ZBTB49: variants seen among roughly 807,000 people sequenced by gnomAD.
The protein encoded by ZBTB49 is zinc finger and BTB domain-containing protein 49.
Under a neutral mutation model 57.5 loss-of-function variants are expected in ZBTB49, and 43 were observed. The observed-to-expected ratio is 0.75, with a 90% CI of 0.59 to 0.97. ZBTB49 has a LOEUF of 0.97. Ranked by LOEUF, ZBTB49 falls within the 50% of genes least tolerant of loss-of-function variation. ZBTB49 has a pLI of 0.00. For synonymous variants in ZBTB49, 369 were observed against 362.1 expected (o/e 1.02, Z -0.22); for missense variants, 938 against 947.7 (o/e 0.99, Z 0.13).
At chr4:4,316,256 G>T (rs980269240) in intron 7 of ZBTB49, among the ~76,000 whole-genome samples, 6 of 152,198 alleles carry the variant, frequency 3.9e-5, no homozygotes, top group Non-Finnish European at 7.3e-5. Flanking sequence ...GAGGGTGGCT[G>T]GGAAAGTAGG....
rs1720561394 is a variant in ZBTB49 at position 4,302,893 on chromosome 4, G to C, written c.1057G>C (p.Ala353Pro). 2 of 1,614,142 alleles carry C rather than the reference G, an allele frequency of 1.2e-6. No individual in the cohort carries two copies. Among genetic ancestry groups the C allele is most frequent in the Non-Finnish European group, 1.7e-6 (2 of 1,179,982 alleles). The change falls in exon 3 of 8, where the codon GCT becomes CCT. Residue 353 changes from alanine (A) to proline (P), a missense_variant. Coordinates refer to ENST00000337872, the MANE Select transcript of ZBTB49 (RefSeq NM_145291.4). ...CCTAGAGAAAGCTAGCAGCCAAAGT[G>C]CTGAAGAAAAAGAAAGTGAAGAAGT... Reference protein sequence around the residue: ...NTLEKASSQSAEEKESEEVVS... With the variant: ...NTLEKASSQSPEEKESEEVVS...
Position 4,321,349 on chromosome 4 carries a change from C to G in ZBTB49, c.*33C>G. The G allele has an allele frequency of 6.3e-7, 1 of 1,596,542 alleles. No individual in the cohort carries two copies. The highest frequency in any genetic ancestry group is 8.5e-7 in the Non-Finnish European group (1 of 1,176,642). On this transcript the variant is annotated 3_prime_UTR_variant, in exon 8 of 8. Coordinates refer to ENST00000337872, the MANE Select transcript of ZBTB49 (RefSeq NM_145291.4). ...CGCTTCTCCACGGTAGAGGCGTGTT[C>G]TCAGTTTAGCAGGCTGGTGTTAAGG...
rs185591693 is a variant in ZBTB49, at chr4:4,301,165, A to G, written c.153-824A>G. Among the ~76,000 whole-genome samples the G allele has an allele frequency of 2.6e-5, 4 of 152,346 alleles. No individual in the cohort carries two copies. The East Asian group carries it at 5.8e-4, about 22-fold the overall frequency. The stretch of plus-strand genomic sequence containing the variant: ...ATACACAGGCTGTTTTGCGCTTAAA[A>G]ACAGAACTGAAGGCTGTTTGGGGGA... On this transcript the variant is annotated intron_variant, in intron 2 of 7. Transcript: ENST00000337872.
chr4:4,293,119 A>T (rs375634271), intron 1 of ZBTB49, among the ~76,000 whole-genome samples: 1 of 152,204 alleles, frequency 6.6e-6, no homozygotes, highest in South Asian at 2.1e-4. Context: ...CCAGAGTCTC[A>T]TCCATCCAGA....
In ZBTB49 at chr4:4,321,170, G is replaced by C. The variant is rs1721400299; in HGVS notation, c.2152G>C (p.Ala718Pro). Residue 718 changes from alanine to proline, a missense_variant, in exon 8 of 8, where the codon GCT becomes CCT. Around this residue, in one of 3 missense-constraint regions of ZBTB49, gnomAD observed 835 missense variants for 819.1 expected, o/e 1.02. Transcript: ENST00000337872. ...GMAMIRSSLA[A>P]LDNHGGDPLG... ...GGCCATGATCCGTTCCTCTCTGGCT[G>C]CTTTGGACAACCACGGCGGTGACCC... 4 of 1,614,186 alleles carry C rather than the reference G, an allele frequency of 2.5e-6. No homozygotes were observed. Among genetic ancestry groups the C allele is most frequent in the Non-Finnish European group, 3.4e-6 (4 of 1,180,030 alleles).
chr4:4,308,953 C>T (rs897854491), intron 4 of ZBTB49, among the ~76,000 whole-genome samples: 1 of 152,186 alleles, frequency 6.6e-6, no homozygotes, highest in African/African-American at 2.4e-5. Context: ...GCCTGGCATC[C>T]CTGGCATGCT....
chr4:4,296,442 A>C (rs1213600793), intron 1 of ZBTB49, among the ~76,000 whole-genome samples: 1 of 152,164 alleles, frequency 6.6e-6, no homozygotes, highest in African/African-American at 2.4e-5. Context: ...ACAGTGAATG[A>C]GATCTGATAG....
intron 4 of ZBTB49, among the ~76,000 whole-genome samples, chr4:4,307,947 T>C (rs1720810187): frequency 1.3e-5 from 2 of 152,198 alleles, no homozygotes; most frequent in Non-Finnish European, 2.9e-5. Flanking sequence ...GCTGACCATA[T>C]AAGTTAAAAC....
intron 4 of ZBTB49, among the ~76,000 whole-genome samples, chr4:4,311,141 T>A (rs756917952): frequency 5.3e-5 from 8 of 152,372 alleles, no homozygotes; most frequent in South Asian, 2.1e-4. Context: ...AAGAACACTT[T>A]AAAGATTTTT....
intron 4 of ZBTB49, among the ~76,000 whole-genome samples, chr4:4,308,712 C>G (rs1367041194): frequency 6.6e-6 from 1 of 152,152 alleles, no homozygotes; most frequent in Non-Finnish European, 1.5e-5. Flanking sequence ...GGAAGGGGGA[C>G]AGAAATGGCC....
At chr4:4,314,973 A>T (rs2920202) in intron 5 of ZBTB49, among the ~76,000 whole-genome samples, 74,904 of 152,128 alleles carry the variant, frequency 0.49, 18,699 homozygotes, top group East Asian at 0.8. Flanking sequence ...CCTTTCTTCC[A>T]TTAGTTCCCT....
intron 2 of ZBTB49, 45 bp from the exon 3 acceptor site, chr4:4,301,944 G>A (rs754915822): frequency 1.6e-5 from 23 of 1,416,364 alleles, no homozygotes; most frequent in Non-Finnish European, 1.9e-5. Context: ...GAAAAAGATG[G>A]TGTGAATTTT....
chr4:4,305,983 A>T (rs1720716519), intron 3 of ZBTB49, among the ~76,000 whole-genome samples, 155 bp from the exon 4 acceptor site: 1 of 152,268 alleles, frequency 6.6e-6, no homozygotes, highest in Non-Finnish European at 1.5e-5. Flanking sequence ...TAAAGGCAAG[A>T]GAGAAATATA....
intron 7 of ZBTB49, among the ~76,000 whole-genome samples, chr4:4,316,915 G>A (rs1721215771): frequency 6.6e-6 from 1 of 152,226 alleles, no homozygotes; most frequent in African/African-American, 2.4e-5. Context: ...GCGTTCGCCT[G>A]TAATCTTAGC....
In ZBTB49 at chr4:4,303,754, C is replaced by CTGTGTG. The variant is rs1436001121; in HGVS notation, c.1255+664_1255+665insGTGTGT. Among the ~76,000 whole-genome samples, 15 of 67,886 alleles carry CTGTGTG rather than the reference C, an allele frequency of 2.2e-4. No homozygotes were observed. In the East Asian group the frequency reaches 2.6e-3, roughly 12 times the overall value. 44.5% of individuals were successfully genotyped at this position (67,886 alleles called of 152,430 possible). A position where few individuals can be genotyped will look rare whatever the true frequency, so the allele number is the denominator to read the frequency against. ...TCTCTCTCTCTCTCTCTCTCTCTCT[C>CTGTGTG]TCTCTCTGTGTGTGTGTCTCTCTCT... On this transcript the variant is annotated intron_variant, in intron 3 of 7. Transcript: ENST00000337872.
Position 4,302,010 on chromosome 4 carries a change from A to G in ZBTB49, c.174A>G (p.Ser58=), listed in dbSNP as rs770009581. 11 of 1,554,434 alleles carry G rather than the reference A, an allele frequency of 7.1e-6. No individual in the cohort carries two copies. The Admixed American group carries it at 9.6e-5, about 14-fold the overall frequency. Residue 58 remains serine, a synonymous_variant, in exon 3 of 8, where the codon TCA becomes TCG. Transcript: ENST00000337872. ...QYFRSLFQNS[S]SQKNDVFHLD... ...CCAGGAGCCTCTTTCAGAATTCTTC[A>G]AGCCAGAAGAATGATGTTTTTCACT...
chr4:4,290,305 C>A lies in ZBTB49; in HGVS notation c.-67C>A, dbSNP rs1560101232. Reference sequence around the variant, plus strand: ...TCGCTGCGAGTGGCCTTGAAGGCAGCTGCTGCAGGTGAAGAGTAGGCGGCG... The same window carrying A: ...TCGCTGCGAGTGGCCTTGAAGGCAGATGCTGCAGGTGAAGAGTAGGCGGCG... On this transcript the variant is annotated 5_prime_UTR_variant, in exon 1 of 8. It adds an upstream start codon to the 5' untranslated region. Transcript: ENST00000337872. 6.6e-6 allele frequency: 1 copy of A among 152,448 alleles called. No homozygotes were observed. Among genetic ancestry groups the A allele is most frequent in the Non-Finnish European group, 1.5e-5 (1 of 68,218 alleles). 9.4% of individuals were successfully genotyped at this position (152,448 alleles called of 1,614,324 possible). A position where few individuals can be genotyped will look rare whatever the true frequency, so the allele number is the denominator to read the frequency against.
chr4:4,291,803 C>T (rs1481729533), intron 1 of ZBTB49, among the ~76,000 whole-genome samples: 1 of 152,236 alleles, frequency 6.6e-6, no homozygotes, highest in Non-Finnish European at 1.5e-5. Context: ...CTGACCCTCC[C>T]TCCCAAATTA....
rs1209298645 is a variant in ZBTB49 at position 4,302,696 on chromosome 4, A to G, written c.860A>G (p.His287Arg). The change falls in exon 3 of 8, where the codon CAC (histidine) becomes CGC (arginine). Residue 287 changes from histidine to arginine, a missense_variant. By Grantham distance (29) the His-to-Arg change is conservative (BLOSUM62 0). Coordinates refer to ENST00000337872, the MANE Select transcript of ZBTB49 (RefSeq NM_145291.4). ...CAGCCTGTGAATGACTCTGCCCCAC[A>G]CCCTGAGTCAGACGCCACATGCCAA... ...LAQPVNDSAP[H>R]PESDATCQQP... The G allele has an allele frequency of 1.2e-6, 2 of 1,612,120 alleles. No individual in the cohort carries two copies. The highest frequency in any genetic ancestry group is 2.2e-5 in the South Asian group (2 of 90,838).
Sources: gnomAD v4.1 joint callset for allele counts (sites outside exome capture counted in the v4.1 genomes callset) on GRCh38, gnomAD v4.1.1 for gene constraint, gnomAD v4.1.1 regional missense constraint, MANE v1.5 for transcripts, NCBI Gene and HGNC (gene_info 2026-07-23, HGNC 2026-07-21) for gene names.